Variants in WWOX observed in about 807,000 individuals in gnomAD.
WWOX encodes WW domain containing oxidoreductase.
In WWOX, 69 loss-of-function variants were observed where a neutral mutation model predicts 46.2. That is an observed-to-expected ratio of 1.49 (90% CI 1.23 to 1.82). WWOX has a LOEUF of 1.82. Ranked by LOEUF, WWOX falls within the 40% of genes most tolerant of loss-of-function variation. The pLI is 0.00. For synonymous variants in WWOX, 359 were observed against 202.6 expected (o/e 1.77, Z -6.56); for missense variants, 919 against 542.6 (o/e 1.69, Z -6.89).
intron 8 of WWOX, among the ~76,000 whole-genome samples, chr16:79,147,417 G>T (rs1438462184): frequency 6.6e-6 from 1 of 152,190 alleles, no homozygotes; most frequent in Non-Finnish European, 1.5e-5. Context: ...CCCAGTTGTT[G>T]CACGTGTCGG....
chr16:78,108,399 T>C (rs1597207726), intron 1 of WWOX, 24 bp from the exon 2 acceptor site: 2 of 1,606,708 alleles, frequency 1.2e-6, no homozygotes, highest in Non-Finnish European at 1.7e-6. Flanking sequence ...TACTTATTAC[T>C]GTGGATTTTT....
chr16:78,667,320 T>C (rs1409298254), intron 8 of WWOX, among the ~76,000 whole-genome samples: 1 of 152,220 alleles, frequency 6.6e-6, no homozygotes, highest in Non-Finnish European at 1.5e-5. Flanking sequence ...GACATTTTTA[T>C]TGAATGGGTT....
intron 8 of WWOX, among the ~76,000 whole-genome samples, chr16:78,707,716 C>G (rs1191514374): frequency 6.6e-6 from 1 of 152,044 alleles, no homozygotes; most frequent in African/African-American, 2.4e-5. Flanking sequence ...AACCCCATCT[C>G]TACTAAAAAT....
At chr16:78,455,690 TATG>T (rs1180826941) in intron 8 of WWOX, among the ~76,000 whole-genome samples, 5 of 80,414 alleles carry the variant, frequency 6.2e-5, no homozygotes, top group Non-Finnish European at 1.4e-4. Context: ...ATGCAAAAAA[TATG>T]ATAACATTTC....
chr16:78,206,505 A>C (rs1249529866), intron 5 of WWOX, among the ~76,000 whole-genome samples: 1 of 152,198 alleles, frequency 6.6e-6, no homozygotes, highest in Non-Finnish European at 1.5e-5. Flanking sequence ...AGAAGTTTCT[A>C]AGCTGATGCT....
chr16:78,443,441 C>T (rs1394822512), intron 8 of WWOX, among the ~76,000 whole-genome samples: 1 of 152,172 alleles, frequency 6.6e-6, no homozygotes, highest in Non-Finnish European at 1.5e-5. Flanking sequence ...TTTACTGGCA[C>T]CAAGAACACA....
At chr16:78,441,701 A>C (rs1480288846) in intron 8 of WWOX, among the ~76,000 whole-genome samples, 1 of 152,152 alleles carries the variant, frequency 6.6e-6, no homozygotes, top group Non-Finnish European at 1.5e-5. Context: ...TTCATGCATA[A>C]AACTGAGATG....
At chr16:78,609,715 A>T (rs1433757405) in intron 8 of WWOX, among the ~76,000 whole-genome samples, 2 of 152,152 alleles carry the variant, frequency 1.3e-5, no homozygotes, top group East Asian at 1.9e-4. Flanking sequence ...AGTCTGGGCT[A>T]TCAAAAATAT....
chr16:78,616,042 G>A (rs2046016032), intron 8 of WWOX, among the ~76,000 whole-genome samples: 4 of 152,078 alleles, frequency 2.6e-5, no homozygotes, highest in Admixed American at 2.6e-4. Flanking sequence ...GAACTACTGT[G>A]CCTGGCCAGG....
intron 8 of WWOX, among the ~76,000 whole-genome samples, chr16:79,079,943 G>A (rs2048729294): frequency 1.1e-5 from 1 of 92,184 alleles, no homozygotes; most frequent in Non-Finnish European, 2.1e-5. Flanking sequence ...TCCACCCCCT[G>A]GGATGCTGAT....
At chr16:78,465,437 C>T (rs1030313674) in intron 8 of WWOX, among the ~76,000 whole-genome samples, 5 of 152,198 alleles carry the variant, frequency 3.3e-5, no homozygotes, top group African/African-American at 1.2e-4. Flanking sequence ...GCATCGGCCT[C>T]CCGAAGTGCT....
chr16:78,428,432 C>T (rs982650487), intron 7 of WWOX, among the ~76,000 whole-genome samples: 2 of 152,152 alleles, frequency 1.3e-5, no homozygotes, highest in African/African-American at 4.8e-5. Flanking sequence ...GACTATCTGC[C>T]CAGGAGACAG....
intron 8 of WWOX, among the ~76,000 whole-genome samples, chr16:78,533,387 C>T (rs1188939013): frequency 6.7e-6 from 1 of 148,886 alleles, no homozygotes. Flanking sequence ...TTTGGCTGCA[C>T]ATAATATACA....
intron 8 of WWOX, among the ~76,000 whole-genome samples, chr16:78,995,397 G>C (rs987512806): frequency 1.3e-5 from 2 of 152,062 alleles, no homozygotes; most frequent in African/African-American, 4.8e-5. Flanking sequence ...ACATGGAATG[G>C]GAAGATGAAA....
intron 8 of WWOX, among the ~76,000 whole-genome samples, chr16:78,541,473 CAAAAAAAAAAAAAAAAAAAAAAAA>C (rs59900108): frequency 8.9e-5 from 4 of 45,168 alleles, no homozygotes; most frequent in East Asian, 1.8e-3. Flanking sequence ...GACTCCGTCT[CAAAAAAAAAAAAAAAAAAAAAAAA>C]AAAAAAAAAG....
intron 8 of WWOX, among the ~76,000 whole-genome samples, chr16:78,775,645 T>C (rs922283284): frequency 6.6e-6 from 1 of 152,186 alleles, no homozygotes; most frequent in South Asian, 2.1e-4. Context: ...AAAATGTCTT[T>C]CTTATAGATG....
chr16:78,805,033 C>A (rs977119370), intron 8 of WWOX, among the ~76,000 whole-genome samples: 1 of 152,244 alleles, frequency 6.6e-6, no homozygotes, highest in Non-Finnish European at 1.5e-5. Flanking sequence ...ATGCCCCTTT[C>A]TCCTGATATT....
At chr16:78,178,508 T>G (rs1379502573) in intron 5 of WWOX, among the ~76,000 whole-genome samples, 1 of 151,916 alleles carries the variant, frequency 6.6e-6, no homozygotes, top group Non-Finnish European at 1.5e-5. Flanking sequence ...ACTTTAGGAG[T>G]AGGAATACAT....
At chr16:79,132,507 G>T (rs2042437) in intron 8 of WWOX, among the ~76,000 whole-genome samples, 41,012 of 151,948 alleles carry the variant, frequency 0.27, 6,434 homozygotes, top group African/African-American at 0.42. Flanking sequence ...TCAGATGATT[G>T]GGAGGTAGTC....
Sources: gnomAD v4.1 joint callset for allele counts (sites outside exome capture counted in the v4.1 genomes callset) on GRCh38, gnomAD v4.1.1 for gene constraint, MANE v1.5 for transcripts, NCBI Gene and HGNC (gene_info 2026-07-23, HGNC 2026-07-21) for gene names.